CFAP43: variants seen among roughly 807,000 people sequenced by gnomAD.
The protein encoded by CFAP43 is cilia and flagella associated protein 43.
CFAP43 carries 155 observed loss-of-function variants against 218.9 expected under a neutral mutation model. The observed-to-expected ratio is 0.71, with a 90% CI of 0.62 to 0.81. The LOEUF is 0.81. CFAP43 is among the 30% of genes least tolerant of loss of function. The pLI is 0.00. For missense variants in CFAP43, 1,778 were observed against 1,954.3 expected, an observed-to-expected ratio of 0.91 and a Z score of 1.70; for synonymous variants, 645 against 681.3, an observed-to-expected ratio of 0.95 and a Z score of 0.83.
intron 32 of CFAP43, 149 bp downstream of exon 32, chr10:104,143,277 T>C: frequency 1.4e-6 from 1 of 700,352 alleles, no homozygotes; most frequent in Non-Finnish European, 2.3e-6. Flanking sequence ...CCAGGGTTAA[T>C]ATAGTATTTC....
At position 104,161,172 on chromosome 10, in the gene CFAP43, T is replaced by C. The variant is rs143143215; in HGVS notation, c.3415-10A>G. On this transcript the variant is annotated splice_polypyrimidine_tract_variant and intron_variant, in intron 26 of 37. Transcript: ENST00000357060. ...CAGGTTGAGGAATCACCTGAAGATATGAAGAAAAGCATATATTTCAGCTCA... is the reference window on the plus strand; with the variant it reads ...CAGGTTGAGGAATCACCTGAAGATACGAAGAAAAGCATATATTTCAGCTCA... 3.1e-6 allele frequency: 5 copies of C among 1,612,146 alleles called. No homozygotes were observed. The highest frequency in any genetic ancestry group is 2.2e-5 in the South Asian group (2 of 90,832).
At chr10:104,141,071 T>G in intron 33 of CFAP43, 70 bp from the exon 34 acceptor site, 1 of 1,459,794 alleles carries the variant, frequency 6.9e-7, no homozygotes, top group South Asian at 1.3e-5. Context: ...TCTGAGAATA[T>G]AAAAATCGAA....
chr10:104,132,273 T>A, intron 35 of CFAP43, 77 bp from the exon 36 acceptor site: 1 of 1,095,244 alleles, frequency 9.1e-7, no homozygotes, highest in Non-Finnish European at 1.3e-6. Context: ...TGTTTTAGCT[T>A]TGAAAGTTAC....
intron 15 of CFAP43, 32 bp from the exon 16 acceptor site, chr10:104,185,178 A>G (rs2089991577): frequency 1.9e-6 from 3 of 1,612,058 alleles, no homozygotes; most frequent in Non-Finnish European, 2.5e-6. Context: ...CAGAAAAATT[A>G]CAAATGCAAT....
At chr10:104,186,213 T>G in intron 14 of CFAP43, 90 bp from the exon 15 acceptor site, 1 of 1,071,502 alleles carries the variant, frequency 9.3e-7, no homozygotes, top group Non-Finnish European at 1.3e-6. Context: ...TTGTATATTG[T>G]CATTGTAAAT....
rs771909664 is a variant in CFAP43 at position 104,203,731 on chromosome 10, G to T, written c.1036C>A (p.Pro346Thr). ...GGAGAAAATGTCATATGTTCTACAG[G>T]TCTTTCAATCTCAAGAAAATCCTCG... ...MIEDFLEIER[P>T]VEHMTFSPNY... The change falls in exon 8 of 38, where the codon CCT becomes ACT. Residue 346 changes from proline to threonine, a missense_variant. Coordinates refer to ENST00000357060, the MANE Select transcript of CFAP43 (RefSeq NM_025145.7). 6.2e-7 allele frequency: 1 copy of T among 1,610,820 alleles called. No homozygotes were observed. Among genetic ancestry groups the T allele is most frequent in the Admixed American group, 1.7e-5 (1 of 59,654 alleles).
At chr10:104,218,929 C>G (rs1448968010) in intron 3 of CFAP43, 2 of 456,982 alleles carry the variant, frequency 4.4e-6, no homozygotes, top group Admixed American at 5.5e-5. Flanking sequence ...AGCCACCACA[C>G]CAACCACAGC....
intron 29 of CFAP43, 102 bp downstream of exon 29, chr10:104,147,789 G>A: frequency 1.5e-6 from 1 of 689,346 alleles, no homozygotes; most frequent in Non-Finnish European, 2.2e-6. Context: ...TGTAGGAATG[G>A]TGCAAGGAAG....
intron 37 of CFAP43, 43 bp from the exon 38 acceptor site, chr10:104,130,348 CT>C: frequency 1.3e-6 from 2 of 1,576,206 alleles, no homozygotes; most frequent in Non-Finnish European, 8.6e-7. Context: ...TTTATCAATA[CT>C]TTCAAATACA....
rs41290942 is a variant in CFAP43, at chr10:104,204,165, G to C, written c.964-362C>G. Among the ~76,000 whole-genome samples, 1,333 of 152,226 alleles carry C rather than the reference G, an allele frequency of 8.8e-3. 7 individuals are homozygous for C. The highest frequency in any genetic ancestry group is 0.02 in the Middle Eastern group (6 of 294). On this transcript the variant is annotated intron_variant, in intron 7 of 37. Coordinates refer to ENST00000357060, the MANE Select transcript of CFAP43 (RefSeq NM_025145.7). The stretch of plus-strand genomic sequence containing the variant: ...TGTATAGCAGTTTCTTTCCTTCAAA[G>C]GACACTAGCCCTCCTGTATGCTCTT...
At chr10:104,227,800 C>T (rs2091341566) in intron 2 of CFAP43, among the ~76,000 whole-genome samples, 1 of 148,032 alleles carries the variant, frequency 6.8e-6, no homozygotes, top group African/African-American at 2.5e-5. Context: ...TCTTCCCCTT[C>T]CTGGAATCAC....
Position 104,232,348 on chromosome 10 carries a change from G to GCTGT in CFAP43, c.-106_-103dup, listed in dbSNP as rs1456844093. 5.0e-6 allele frequency: 6 copies of GCTGT among 1,201,880 alleles called. No individual in the cohort carries two copies. The highest frequency in any genetic ancestry group is 6.8e-6 in the Non-Finnish European group (6 of 885,594). The allele number at this position is 1,201,880 out of a possible 1,614,324, so 74.5% of individuals were successfully genotyped here. On this transcript the variant is annotated 5_prime_UTR_variant, in exon 1 of 38. Coordinates refer to ENST00000357060, the MANE Select transcript of CFAP43 (RefSeq NM_025145.7). The stretch of plus-strand genomic sequence containing the variant: ...CGGGGCTGCGGGCCGCGACGCCGCT[G>GCTGT]CTGTGTACACCCGTATCCCGGAGAC...
chr10:104,162,867 T>C (rs1027594853), intron 24 of CFAP43, among the ~76,000 whole-genome samples: 2 of 151,980 alleles, frequency 1.3e-5, no homozygotes, highest in African/African-American at 2.4e-5. Context: ...CCAAGTGAAG[T>C]GAGCAGCCAC....
At chr10:104,157,453 T>A (rs886689472) in intron 27 of CFAP43, among the ~76,000 whole-genome samples, 2 of 152,196 alleles carry the variant, frequency 1.3e-5, no homozygotes, top group Admixed American at 1.3e-4. Context: ...GTGCTCATGT[T>A]CCCTTAAATG....
At chr10:104,166,774 G>T in intron 22 of CFAP43, 56 bp from the exon 23 acceptor site, 1 of 1,447,386 alleles carries the variant, frequency 6.9e-7, no homozygotes, top group Non-Finnish European at 9.3e-7. Flanking sequence ...TCCTCTAAAG[G>T]GAAATTTTGT....
chr10:104,204,131 T>C (rs1183264800), intron 7 of CFAP43, among the ~76,000 whole-genome samples: 9 of 152,214 alleles, frequency 5.9e-5, no homozygotes. Flanking sequence ...GTAGAGTTTG[T>C]GTGGCTTGTG....
intron 24 of CFAP43, 38 bp from the exon 25 acceptor site, chr10:104,162,441 C>T (rs774371855): frequency 1.1e-5 from 17 of 1,562,818 alleles, no homozygotes; most frequent in Middle Eastern, 1.7e-4. Flanking sequence ...ATTATTCTTA[C>T]AAAATTCAAA....
chr10:104,214,174 CTTAA>C (rs1265250351), intron 4 of CFAP43, 81 bp downstream of exon 4: 10 of 1,378,990 alleles, frequency 7.3e-6, no homozygotes, highest in Non-Finnish European at 9.7e-6. Context: ...TATAAAGCCA[CTTAA>C]TTCATCAAAT....
In CFAP43 at chr10:104,188,417, G is replaced by A. The variant is rs555565976; in HGVS notation, c.1547-7C>T. On this transcript the variant is annotated splice_region_variant and splice_polypyrimidine_tract_variant and intron_variant, in intron 12 of 37. Coordinates refer to ENST00000357060, the MANE Select transcript of CFAP43 (RefSeq NM_025145.7). ...AAAATGTCTTTGGCCACCTCTGAAA[G>A]CAAACAGAGATCAACACCACAAGTG... 4.3e-6 allele frequency: 7 copies of A among 1,611,116 alleles called. No homozygotes were observed. Among genetic ancestry groups the A allele is most frequent in the Non-Finnish European group, 5.9e-6 (7 of 1,178,906 alleles).
Sources: allele counts gnomAD v4.1 joint callset (sites outside exome capture counted in the v4.1 genomes callset), GRCh38; gene constraint gnomAD v4.1.1; transcripts MANE v1.5; gene names NCBI Gene and HGNC (gene_info 2026-07-23, HGNC 2026-07-21).